The following CBFA2T3 variants were observed in gnomAD, a reference collection of about 807,000 sequenced individuals.
CBFA2T3 encodes transcriptional corepressor CBFA2T3.
In CBFA2T3, 31 loss-of-function variants were observed where a neutral mutation model predicts 58.6. The ratio of observed to expected loss-of-function variants is 0.53; its 90% CI spans 0.40 to 0.71. The LOEUF (loss-of-function observed/expected upper bound fraction) is 0.71, where lower values mean the gene tolerates loss of function less well. Among genes scored for constraint, CBFA2T3 ranks in the 30% least tolerant of loss-of-function variants. The probability of loss-of-function intolerance (pLI) is 0.00; values close to 1 mark genes in which losing one functional copy is unlikely to be tolerated. For missense variants in CBFA2T3, 1,076 were observed against 963.1 expected (o/e 1.12, Z -1.55); for synonymous variants, 531 against 421.9 (o/e 1.26, Z -3.17).
In CBFA2T3 at chr16:88,885,421, GAAGCC is replaced by G; in HGVS notation, c.894-157_894-153del. On this transcript the variant is annotated intron_variant, in intron 6 of 11. Coordinates refer to ENST00000268679, the MANE Select transcript of CBFA2T3 (RefSeq NM_005187.6). The surrounding 1 kb of genome is among the most constrained non-coding windows in gnomAD (Gnocchi z 5.3). ...ACACGGAGCAAAACACCAGCCCCGGGAAGCCCAGCCCGGCGCCCCCACTCTCTGCC... is the reference window on the plus strand; with the variant it reads ...ACACGGAGCAAAACACCAGCCCCGGGCAGCCCGGCGCCCCCACTCTCTGCC... 1.8e-6 allele frequency: 1 copy of G among 547,304 alleles called. No homozygotes were observed. The highest frequency in any genetic ancestry group is 3.1e-6 in the Non-Finnish European group (1 of 326,634). The allele number at this position is 547,304 out of a possible 1,614,324, so 33.9% of individuals were successfully genotyped here.
rs1235692384 is a variant in CBFA2T3 at position 88,876,072 on chromosome 16, C to G, written c.*904G>C. On this transcript the variant is annotated 3_prime_UTR_variant, in exon 12 of 12. Coordinates refer to ENST00000268679, the MANE Select transcript of CBFA2T3 (RefSeq NM_005187.6). Reference sequence around the variant, plus strand: ...AAAAAGACCCACATCCAAACAAACCCAAGAGCAAGTGAAACAGTGAAAAAA... The same window carrying G: ...AAAAAGACCCACATCCAAACAAACCGAAGAGCAAGTGAAACAGTGAAAAAA... 4.3e-6 allele frequency: 1 copy of G among 232,874 alleles called. No individual in the cohort carries two copies. Among genetic ancestry groups the G allele is most frequent in the Non-Finnish European group, 8.5e-6 (1 of 117,672 alleles). The allele number at this position is 232,874 out of a possible 1,614,324, so 14.4% of individuals were successfully genotyped here.
At chr16:88,934,511 C>T (rs557843591) in intron 1 of CBFA2T3, among the ~76,000 whole-genome samples, 10 of 152,248 alleles carry the variant, frequency 6.6e-5, no homozygotes, top group African/African-American at 9.6e-5. Flanking sequence ...CCGGCACCAT[C>T]GGGGGGCGAC....
chr16:88,910,479 G>C (rs1970497091), intron 1 of CBFA2T3, among the ~76,000 whole-genome samples: 1 of 152,246 alleles, frequency 6.6e-6, no homozygotes, highest in Admixed American at 6.5e-5. Context: ...TGGTGACTGA[G>C]AAAACCTGGA....
At position 88,897,959 on chromosome 16, in the gene CBFA2T3, T is replaced by C. The variant is rs536135652; in HGVS notation, c.379+119A>G. On this transcript the variant is annotated intron_variant, in intron 3 of 11. Transcript: ENST00000268679. ...AAGACCAACACAACAGAGGCAATGC[T>C]GAGGGTGCGGAGGCCGGGGAGGAGA... The C allele has an allele frequency of 2.3e-4, 174 of 765,866 alleles. 1 individual carries two copies. The East Asian group carries it at 4.2e-3, about 19-fold the overall frequency. The allele number at this position is 765,866 out of a possible 1,614,324, so 47.4% of individuals were successfully genotyped here.
chr16:88,897,470 G>A (rs1456018755), intron 3 of CBFA2T3, among the ~76,000 whole-genome samples: 4 of 152,250 alleles, frequency 2.6e-5, no homozygotes, highest in Non-Finnish European at 5.9e-5. Context: ...AAGAGCCCAT[G>A]CTCCCTGAAC....
At chr16:88,888,371 G>T (rs915356685) in intron 5 of CBFA2T3, among the ~76,000 whole-genome samples, 1 of 143,278 alleles carries the variant, frequency 7.0e-6, no homozygotes, top group Non-Finnish European at 1.5e-5. Flanking sequence ...GGGACTGGCT[G>T]GGGGTCACTC....
At chr16:88,888,783 T>C (rs965682982) in intron 5 of CBFA2T3, among the ~76,000 whole-genome samples, 1 of 151,752 alleles carries the variant, frequency 6.6e-6, no homozygotes, top group African/African-American at 2.4e-5. Flanking sequence ...ACAGACTTCA[T>C]GTCCCACTGG....
intron 4 of CBFA2T3, 27 bp downstream of exon 4, chr16:88,892,217 G>A (rs1399811710): frequency 1.7e-5 from 27 of 1,596,774 alleles, no homozygotes; most frequent in Non-Finnish European, 2.2e-5. Context: ...CATGTCCCAA[G>A]GCCCCGGCTG....
intron 1 of CBFA2T3, among the ~76,000 whole-genome samples, chr16:88,964,943 TCC>T (rs1972460493): frequency 3.4e-5 from 5 of 147,484 alleles, no homozygotes; most frequent in Non-Finnish European, 7.5e-5. Context: ...CATCCATCCA[TCC>T]ATCCATCTAT....
At chr16:88,966,295 C>T (rs1170693730) in intron 1 of CBFA2T3, among the ~76,000 whole-genome samples, 3 of 152,352 alleles carry the variant, frequency 2.0e-5, no homozygotes, top group South Asian at 2.1e-4. Flanking sequence ...AACAGGGCTG[C>T]CATTTTACCC....
intron 1 of CBFA2T3, 92 bp downstream of exon 1, chr16:88,976,565 G>T: frequency 1.0e-6 from 1 of 974,614 alleles, no homozygotes; most frequent in Non-Finnish European, 1.5e-6. Context: ...AACTAAGCTG[G>T]GCAGGCCCCG....
intron 1 of CBFA2T3, among the ~76,000 whole-genome samples, chr16:88,931,296 AC>A (rs1387627424): frequency 6.6e-6 from 1 of 152,026 alleles, no homozygotes; most frequent in Non-Finnish European, 1.5e-5. Context: ...TGTGCTGGAA[AC>A]CAGGAGGGTG....
Position 88,904,178 on chromosome 16 carries a change from G to A in CBFA2T3, c.152-2522C>T, listed in dbSNP as rs190251917. ...CTAGAGCAGACAGTGCCCTGCCGGC[G>A]CCCTGAGCAGTCGGGGACTTCATGT... On this transcript the variant is annotated intron_variant, in intron 1 of 11. Transcript: ENST00000268679. Among the ~76,000 whole-genome samples, 321 of 152,312 alleles carry A rather than the reference G, an allele frequency of 2.1e-3. 2 individuals carry two copies. The highest frequency in any genetic ancestry group is 6.1e-3 in the African/African-American group (252 of 41,558).
chr16:88,895,583 G>A (rs929113773), intron 3 of CBFA2T3, among the ~76,000 whole-genome samples: 1 of 152,102 alleles, frequency 6.6e-6, no homozygotes, highest in African/African-American at 2.4e-5. Context: ...CAGGGGGGAG[G>A]CCGGCCCTGT....
Position 88,913,618 on chromosome 16 carries a change from G to A in CBFA2T3, c.152-11962C>T, listed in dbSNP as rs146038704. Among the ~76,000 whole-genome samples the A allele has an allele frequency of 6.3e-3, 964 of 152,264 alleles. 2 individuals are homozygous for A. The highest frequency in any genetic ancestry group is 0.01 in the Non-Finnish European group (710 of 68,028). ...GATGCCAATGCTGCACTTGCCCTCC[G>A]CTACTCCACACCTCATTCCTCCGTG... On this transcript the variant is annotated intron_variant, in intron 1 of 11. Coordinates refer to ENST00000268679, the MANE Select transcript of CBFA2T3 (RefSeq NM_005187.6).
At chr16:88,903,450 C>A (rs1159467988) in intron 1 of CBFA2T3, among the ~76,000 whole-genome samples, 1 of 152,130 alleles carries the variant, frequency 6.6e-6, no homozygotes, top group Non-Finnish European at 1.5e-5. Flanking sequence ...ACCTGCTGTC[C>A]CCTCCGCACA....
intron 1 of CBFA2T3, among the ~76,000 whole-genome samples, chr16:88,947,323 G>A (rs867494506): frequency 2.6e-5 from 4 of 152,198 alleles, no homozygotes; most frequent in South Asian, 2.1e-4. Flanking sequence ...TTTATTTGCC[G>A]TTTAAAAGAC....
At chr16:88,922,301 C>T (rs1402862641) in intron 1 of CBFA2T3, among the ~76,000 whole-genome samples, 1 of 152,240 alleles carries the variant, frequency 6.6e-6, no homozygotes, top group Non-Finnish European at 1.5e-5. Flanking sequence ...GCTCTCAGAG[C>T]CGGTCTAGCC....
chr16:88,882,653 C>A, intron 8 of CBFA2T3, 23 bp downstream of exon 8: 1 of 1,498,828 alleles, frequency 6.7e-7, no homozygotes, highest in Non-Finnish European at 9.1e-7. Context: ...GCTGTGTGGG[C>A]GTGGCTGTGT....
Sources: allele counts gnomAD v4.1 joint callset (sites outside exome capture counted in the v4.1 genomes callset), GRCh38; gene constraint gnomAD v4.1.1; non-coding constraint Gnocchi (gnomAD v3.1); transcripts MANE v1.5; gene names NCBI Gene and HGNC (gene_info 2026-07-23, HGNC 2026-07-21).